Variants in ARNT2 observed in about 807,000 individuals in gnomAD.
ARNT2 encodes the protein ARNT protein 2.
Under a neutral mutation model 91.7 loss-of-function variants are expected in ARNT2, and 36 were observed. The observed-to-expected ratio is 0.39, with a 90% confidence interval of 0.30 to 0.52. ARNT2 has a LOEUF of 0.52. Ranked by LOEUF, ARNT2 falls within the 20% of genes least tolerant of loss-of-function variation. ARNT2 has a pLI of 0.72. For missense variants in ARNT2, 775 were observed against 939.3 expected (o/e 0.83, Z 2.29); for synonymous variants, 365 against 347.1 (o/e 1.05, Z -0.57).
chr15:80,577,771 G>A (rs1329808521), intron 15 of ARNT2, among the ~76,000 whole-genome samples: 2 of 152,242 alleles, frequency 1.3e-5, no homozygotes, highest in East Asian at 3.9e-4. Flanking sequence ...CAAGGAATGA[G>A]GATTTTGCTT....
intron 11 of ARNT2, 26 bp from the exon 12 acceptor site, chr15:80,563,062 A>G (rs767105573): frequency 6.2e-7 from 1 of 1,613,594 alleles, no homozygotes; most frequent in Non-Finnish European, 8.5e-7. Flanking sequence ...CCTCCTGCTG[A>G]CTTCCTTCTC....
chr15:80,597,449 A>C lies in ARNT2; in HGVS notation c.*3751A>C, dbSNP rs1893392537. 2 of 340,842 alleles carry C rather than the reference A, an allele frequency of 5.9e-6. No individual in the cohort carries two copies. Among genetic ancestry groups the C allele is most frequent in the South Asian group, 4.5e-5 (2 of 44,452 alleles). The allele number at this position is 340,842 out of a possible 1,614,324, so 21.1% of individuals were successfully genotyped here. A position where few individuals can be genotyped will look rare whatever the true frequency, so the allele number is the denominator to read the frequency against. Reference sequence around the variant, plus strand: ...ATTCCCCACCAAACACCCCATACTAAGGAGCCATGAGCCACCTGGACATTC... The same window carrying C: ...ATTCCCCACCAAACACCCCATACTACGGAGCCATGAGCCACCTGGACATTC... On this transcript the variant is annotated 3_prime_UTR_variant, in exon 19 of 19. Coordinates refer to ENST00000303329, the MANE Select transcript of ARNT2 (RefSeq NM_014862.4).
In ARNT2 at chr15:80,522,756, T is replaced by TAC. The variant is rs201665455; in HGVS notation, c.877+8355_877+8356dup. Among the ~76,000 whole-genome samples the TAC allele has an allele frequency of 6.2e-3, 791 of 126,656 alleles. 5 individuals carry two copies. The highest frequency in any genetic ancestry group is 0.021 in the African/African-American group (662 of 31,410). 83.1% of individuals were successfully genotyped at this position (126,656 alleles called of 152,430 possible). ...TGCATAATGACTGTGTGACTGTACA[T>TAC]ACACATATATATATATATATATATC... On this transcript the variant is annotated intron_variant, in intron 8 of 18. Coordinates refer to ENST00000303329, the MANE Select transcript of ARNT2 (RefSeq NM_014862.4).
chr15:80,529,552 TTTTCC>T (rs1336062825), intron 8 of ARNT2, among the ~76,000 whole-genome samples: 1 of 152,040 alleles, frequency 6.6e-6, no homozygotes, highest in Admixed American at 6.6e-5. Context: ...TGTTTTTTCC[TTTTCC>T]TTAGAGTTCA....
chr15:80,516,304 A>G (rs1292670127), intron 8 of ARNT2, among the ~76,000 whole-genome samples: 3 of 152,204 alleles, frequency 2.0e-5, no homozygotes, highest in Admixed American at 2.0e-4. Flanking sequence ...ATCTCCAATT[A>G]TAAGAGTGGA....
At chr15:80,475,444 C>G in intron 5 of ARNT2, 5 of 433,012 alleles carry the variant, frequency 1.2e-5, no homozygotes, top group South Asian at 1.1e-4. Flanking sequence ...CCTGTGGTCC[C>G]AGCTACTCCG....
At chr15:80,552,264 G>A (rs1270873085) in intron 9 of ARNT2, among the ~76,000 whole-genome samples, 3 of 152,162 alleles carry the variant, frequency 2.0e-5, no homozygotes, top group Non-Finnish European at 4.4e-5. Flanking sequence ...CCTTAGGCTC[G>A]TTTGCCATCC....
intron 15 of ARNT2, chr15:80,580,112 T>C: frequency 3.2e-6 from 1 of 308,992 alleles, no homozygotes; most frequent in South Asian, 5.8e-5. Context: ...GCAGAGGATG[T>C]ACAGGCATAG....
intron 5 of ARNT2, among the ~76,000 whole-genome samples, chr15:80,486,306 C>T (rs1896972073): frequency 6.6e-6 from 1 of 152,148 alleles, no homozygotes; most frequent in Admixed American, 6.5e-5. Flanking sequence ...TCTGAGTGGA[C>T]ATGAATTTTG....
At chr15:80,567,739 G>A (rs1395513709) in intron 12 of ARNT2, among the ~76,000 whole-genome samples, 1 of 152,208 alleles carries the variant, frequency 6.6e-6, no homozygotes, top group East Asian at 1.9e-4. Flanking sequence ...AGGTTACACG[G>A]ATCAGGATGC....
chr15:80,477,097 G>A (rs747495143), intron 5 of ARNT2, among the ~76,000 whole-genome samples: 60 of 152,112 alleles, frequency 3.9e-4, no homozygotes, highest in African/African-American at 1.3e-3. Context: ...TTCACCTTCC[G>A]CCATGATTGT....
intron 1 of ARNT2, among the ~76,000 whole-genome samples, chr15:80,422,847 A>G (rs1224889189): frequency 1.1e-4 from 17 of 152,220 alleles, no homozygotes; most frequent in Admixed American, 1.1e-3. Flanking sequence ...GTATTTATAT[A>G]TGTAAGGAGA....
rs201917656 is a variant in ARNT2, at chr15:80,587,969, C to T, written c.1919-3599C>T. On this transcript the variant is annotated intron_variant, in intron 17 of 18. Coordinates refer to ENST00000303329, the MANE Select transcript of ARNT2 (RefSeq NM_014862.4). ...AGAACATGGATGTTACTACATAGAC[C>T]GCGGTCAACCACTAAGCAGTCTGTA... Among the ~76,000 whole-genome samples the T allele has an allele frequency of 1.9e-3, 283 of 152,284 alleles. 1 individual carries two copies. The highest frequency in any genetic ancestry group is 3.4e-3 in the Middle Eastern group (1 of 294).
chr15:80,470,212 G>A lies in ARNT2; in HGVS notation c.195-6G>A, dbSNP rs1215816541. 18 of 1,613,234 alleles carry A rather than the reference G, an allele frequency of 1.1e-5. No individual in the cohort carries two copies. The highest frequency in any genetic ancestry group is 1.5e-5 in the Non-Finnish European group (18 of 1,179,534). ...CCCCTCTCCTGATCTCGTGCTTTCT[G>A]GAAAGAGAGAATCATAGTGAAATCG... On this transcript the variant is annotated splice_polypyrimidine_tract_variant and splice_region_variant and intron_variant, in intron 3 of 18. Coordinates refer to ENST00000303329, the MANE Select transcript of ARNT2 (RefSeq NM_014862.4).
chr15:80,578,595 A>C (rs1045805350), intron 15 of ARNT2, among the ~76,000 whole-genome samples: 2 of 151,668 alleles, frequency 1.3e-5, no homozygotes, highest in African/African-American at 4.8e-5. Context: ...CGTGAGGTGC[A>C]GAGCCTGGGT....
chr15:80,558,181 C>G (rs907659482), intron 11 of ARNT2, among the ~76,000 whole-genome samples: 1 of 152,074 alleles, frequency 6.6e-6, no homozygotes, highest in African/African-American at 2.4e-5. Context: ...TGTGGTCACC[C>G]TAGCTAAGAA....
At chr15:80,498,933 C>T (rs1442728158) in intron 5 of ARNT2, among the ~76,000 whole-genome samples, 2 of 152,140 alleles carry the variant, frequency 1.3e-5, no homozygotes, top group African/African-American at 4.8e-5. Flanking sequence ...AAAAGTAGTA[C>T]AGGCTCTGCA....
chr15:80,404,568 GC>G lies in ARNT2; in HGVS notation c.31+24del. Reference sequence around the variant, plus strand: ...CCGGGTGAGTAGCGGCCTGGGCCCCGCCGCCCGCCGCAGCCCGCAGGCCTTG... The same window carrying G: ...CCGGGTGAGTAGCGGCCTGGGCCCCGCGCCCGCCGCAGCCCGCAGGCCTTG... On this transcript the variant is annotated intron_variant, in intron 1 of 18. Coordinates refer to ENST00000303329, the MANE Select transcript of ARNT2 (RefSeq NM_014862.4). This position sits in a 1 kb window ranked among gnomAD's most constrained non-coding sequence, Gnocchi z 5.5. The G allele has an allele frequency of 9.1e-7, 1 of 1,093,574 alleles. No individual in the cohort carries two copies. The highest frequency in any genetic ancestry group is 4.6e-5 in the Admixed American group (1 of 21,544). The allele number at this position is 1,093,574 out of a possible 1,614,324, so 67.7% of individuals were successfully genotyped here.
chr15:80,420,728 A>G (rs1196487097), intron 1 of ARNT2, among the ~76,000 whole-genome samples: 3 of 152,120 alleles, frequency 2.0e-5, no homozygotes, highest in African/African-American at 7.2e-5. Flanking sequence ...ATATGTACAT[A>G]TGTTCATTCC....
Sources: allele counts gnomAD v4.1 joint callset (sites outside exome capture counted in the v4.1 genomes callset), GRCh38; gene constraint gnomAD v4.1.1; non-coding constraint Gnocchi (gnomAD v3.1); transcripts MANE v1.5; gene names NCBI Gene and HGNC (gene_info 2026-07-23, HGNC 2026-07-21).